Variants in CELF2 observed in about 807,000 individuals in gnomAD.
The protein encoded by CELF2 is CUG triplet repeat RNA-binding protein 2.
Under a neutral mutation model 62.6 loss-of-function variants are expected in CELF2, and 8 were observed. The ratio of observed to expected loss-of-function variants is 0.13; its 90% CI spans 0.07 to 0.23. The LOEUF (loss-of-function observed/expected upper bound fraction) is 0.23. CELF2 is among the 10% of genes least tolerant of loss of function. The pLI is 1.00. For synonymous variants in CELF2, 258 were observed against 250.0 expected (o/e 1.03, Z -0.30); for missense variants, 333 against 671.0 (o/e 0.50, Z 5.56).
intron 7 of CELF2, among the ~76,000 whole-genome samples, chr10:11,273,104 G>C (rs2084470383): frequency 6.6e-6 from 1 of 152,106 alleles, no homozygotes; most frequent in African/African-American, 2.4e-5. Context: ...GGAATGGAGA[G>C]GGATGACTGA....
upstream of CELF2, among the ~76,000 whole-genome samples, chr10:10,795,739 T>C (rs2054103490): frequency 6.9e-6 from 1 of 145,714 alleles, no homozygotes; most frequent in African/African-American, 2.6e-5. Flanking sequence ...CACACACACT[T>C]GGACTTTGAA....
At position 11,208,500 on chromosome 10, in the gene CELF2, G is replaced by A. The variant is rs117093556; in HGVS notation, c.272-8925G>A. Among the ~76,000 whole-genome samples, 1,053 of 152,308 alleles carry A rather than the reference G, an allele frequency of 6.9e-3. 6 individuals are homozygous for A. Among genetic ancestry groups the A allele is most frequent in the Non-Finnish European group, 0.011 (768 of 68,016 alleles). The stretch of plus-strand genomic sequence containing the variant: ...ACATGACGTAACGCTAACAGACTGA[G>A]CAGGGACACTCGGCAAGGCCTGCCT... On this transcript the variant is annotated intron_variant, in intron 2 of 12. Transcript: ENST00000633077.
the CELF2 span, among the ~76,000 whole-genome samples, chr10:10,523,869 A>G: frequency 4.6e-5 from 7 of 152,162 alleles, no homozygotes; most frequent in South Asian, 2.1e-4. Context: ...AAGGCCACAT[A>G]CTTTAGTCTG....
At chr10:11,060,480 C>T (rs1004332247) in intron 1 of CELF2, among the ~76,000 whole-genome samples, 1 of 152,106 alleles carries the variant, frequency 6.6e-6, no homozygotes, top group Admixed American at 6.6e-5. Flanking sequence ...TAAAGATGTT[C>T]CTGCATTGCC....
At chr10:11,066,829 A>T (rs2140795992) in intron 1 of CELF2, among the ~76,000 whole-genome samples, 1 of 152,194 alleles carries the variant, frequency 6.6e-6, no homozygotes, top group East Asian at 1.9e-4. Context: ...GGGAGCTAAG[A>T]GACTTGCATG....
chr10:10,566,441 A>G, the CELF2 span, among the ~76,000 whole-genome samples: 1 of 146,772 alleles, frequency 6.8e-6, no homozygotes, highest in African/African-American at 2.5e-5. Context: ...ATTATACTCT[A>G]AGTTTTAGGG....
At chr10:10,653,431 A>G in the CELF2 span, among the ~76,000 whole-genome samples, 190 of 148,062 alleles carry the variant, frequency 1.3e-3, no homozygotes, top group Non-Finnish European at 2.3e-3. Flanking sequence ...TCAGCACCAC[A>G]CCACACCTAT....
intron 1 of CELF2, among the ~76,000 whole-genome samples, chr10:11,149,682 G>A (rs1009018991): frequency 7.2e-5 from 11 of 152,130 alleles, no homozygotes; most frequent in African/African-American, 2.4e-4. Flanking sequence ...ATGTTCCTGT[G>A]TGCTGAGGTA....
At chr10:10,663,494 T>A in the CELF2 span, among the ~76,000 whole-genome samples, 1 of 152,212 alleles carries the variant, frequency 6.6e-6, no homozygotes, top group African/African-American at 2.4e-5. Context: ...AGCTATTCAA[T>A]CCATTTGAAA....
the CELF2 span, among the ~76,000 whole-genome samples, chr10:10,746,111 T>A: frequency 6.6e-6 from 1 of 152,230 alleles, no homozygotes; most frequent in South Asian, 2.1e-4. Flanking sequence ...TAACCATTCA[T>A]CTAACACAGA....
chr10:10,767,888 C>G, the CELF2 span, among the ~76,000 whole-genome samples: 3 of 132,274 alleles, frequency 2.3e-5, no homozygotes, highest in Admixed American at 8.0e-5. Flanking sequence ...CCCAGCTACT[C>G]GGGAGGCTGA....
At chr10:10,716,943 A>G in the CELF2 span, among the ~76,000 whole-genome samples, 2 of 152,240 alleles carry the variant, frequency 1.3e-5, no homozygotes, top group African/African-American at 4.8e-5. Flanking sequence ...GTGTAATTTA[A>G]TAGAGCAGAT....
At position 11,165,474 on chromosome 10, in the gene CELF2, C is replaced by A; in HGVS notation, c.75-12C>A. The A allele has an allele frequency of 6.2e-7, 1 of 1,609,628 alleles. No individual in the cohort carries two copies. Among genetic ancestry groups the A allele is most frequent in the Non-Finnish European group, 8.5e-7 (1 of 1,177,498 alleles). The stretch of plus-strand genomic sequence containing the variant: ...CCGCCCTAACTCTGGCTCCCGGTTC[C>A]GTTTTTGACAGTAACGGCACAGCCA... On this transcript the variant is annotated splice_polypyrimidine_tract_variant and intron_variant, in intron 1 of 12. Coordinates refer to ENST00000633077, the MANE Select transcript of CELF2 (RefSeq NM_001326342.2). The surrounding 1 kb of genome is among the most constrained non-coding windows in gnomAD (Gnocchi z 7.4).
At chr10:11,209,797 AGGTATT>A (rs2061363865) in intron 2 of CELF2, among the ~76,000 whole-genome samples, 1 of 151,908 alleles carries the variant, frequency 6.6e-6, no homozygotes, top group Non-Finnish European at 1.5e-5. Flanking sequence ...GAAAAAAAAA[AGGTATT>A]AAATTCTTCT....
chr10:10,688,847 T>A, the CELF2 span, among the ~76,000 whole-genome samples: 1 of 151,384 alleles, frequency 6.6e-6, no homozygotes, highest in Non-Finnish European at 1.5e-5. Flanking sequence ...CAAAAAAAAA[T>A]TAATTAATTA....
rs773895236 is a variant in CELF2 at position 11,305,931 on chromosome 10, C to A, written c.977-8208C>A. On this transcript the variant is annotated intron_variant, in intron 9 of 12. Coordinates refer to ENST00000633077, the MANE Select transcript of CELF2 (RefSeq NM_001326342.2). This position sits in a 1 kb window ranked among gnomAD's most constrained non-coding sequence, Gnocchi z 4.8. ...GTTCTCCACACCCCACCCTGCCCCA[C>A]AAACAGTTTTCACAAAAGGCCACAG... 6.6e-6 allele frequency among the ~76,000 whole-genome samples: 1 copy of A among 152,198 alleles called. No homozygotes were observed. Among genetic ancestry groups the A allele is most frequent in the Non-Finnish European group, 1.5e-5 (1 of 68,044 alleles).
rs950093649 is a variant in CELF2, at chr10:11,280,832, C to G, written c.841+5712C>G. On this transcript the variant is annotated intron_variant, in intron 8 of 12. Coordinates refer to ENST00000633077, the MANE Select transcript of CELF2 (RefSeq NM_001326342.2). The surrounding 1 kb of genome is among the most constrained non-coding windows in gnomAD (Gnocchi z 7.6). ...AGATGCCCAAGAGGCAGGGGAGGTC[C>G]TAGGGCTCTGAAGGGCTGCTCTCTA... Among the ~76,000 whole-genome samples, 5 of 152,096 alleles carry G rather than the reference C, an allele frequency of 3.3e-5. No homozygotes were observed. Among genetic ancestry groups the G allele is most frequent in the Non-Finnish European group, 7.4e-5 (5 of 67,980 alleles).
rs2063591931 is a variant in CELF2, at chr10:11,217,252, G to A, written c.272-173G>A. Among the ~76,000 whole-genome samples, 1 of 152,210 alleles carries A rather than the reference G, an allele frequency of 6.6e-6. No individual in the cohort carries two copies. The highest frequency in any genetic ancestry group is 2.4e-5 in the African/African-American group (1 of 41,438). On this transcript the variant is annotated intron_variant, in intron 2 of 12. Coordinates refer to ENST00000633077, the MANE Select transcript of CELF2 (RefSeq NM_001326342.2). This position sits in a 1 kb window ranked among gnomAD's most constrained non-coding sequence, Gnocchi z 5.6. ...GGGTAAAGCTAATAAATATGATTTA[G>A]GATGAAAAGGTACTGTGTAAATGCT...
intron 1 of CELF2, among the ~76,000 whole-genome samples, chr10:11,096,926 ACTC>A (rs1255458197): frequency 1.3e-5 from 2 of 151,068 alleles, no homozygotes; most frequent in Non-Finnish European, 3.0e-5. Context: ...TTTCTAACCC[ACTC>A]CTCCTCCTCC....
Sources: gnomAD v4.1 joint callset for allele counts (sites outside exome capture counted in the v4.1 genomes callset) on GRCh38, gnomAD v4.1.1 for gene constraint, Gnocchi (gnomAD v3.1) non-coding constraint, MANE v1.5 for transcripts, NCBI Gene and HGNC (gene_info 2026-07-23, HGNC 2026-07-21) for gene names.